PGR: variants seen among roughly 807,000 people sequenced by gnomAD.
The protein encoded by PGR is nuclear receptor subfamily 3 group C member 3.
PGR carries 25 observed loss-of-function variants against 76.1 expected under a neutral mutation model. That is an observed-to-expected ratio of 0.33 (90% CI 0.24 to 0.46). The LOEUF is 0.46. Among genes scored for constraint, PGR ranks in the 20% least tolerant of loss-of-function variants. The pLI is 1.00. For synonymous variants in PGR, 579 were observed against 535.0 expected (o/e 1.08, Z -1.14); for missense variants, 1,172 against 1,225.3 (o/e 0.96, Z 0.65).
chr11:101,064,618 A>G (rs907270111), intron 3 of PGR, among the ~76,000 whole-genome samples: 4 of 152,064 alleles, frequency 2.6e-5, no homozygotes, highest in South Asian at 2.1e-4. Flanking sequence ...TTCCCTGTCC[A>G]TGACTATAAT....
chr11:101,075,435 A>C (rs1312377785), intron 3 of PGR, among the ~76,000 whole-genome samples: 1 of 152,174 alleles, frequency 6.6e-6, no homozygotes, highest in African/African-American at 2.4e-5. Context: ...CTAAAACACC[A>C]AAAGCAATGG....
chr11:101,104,697 T>C (rs1862096219), intron 2 of PGR, among the ~76,000 whole-genome samples: 1 of 152,242 alleles, frequency 6.6e-6, no homozygotes, highest in African/African-American at 2.4e-5. Flanking sequence ...TTTTATTTAA[T>C]CTGGTTGTTT....
chr11:101,096,545 C>A (rs1294755624), intron 2 of PGR, among the ~76,000 whole-genome samples: 1 of 152,136 alleles, frequency 6.6e-6, no homozygotes, highest in Admixed American at 6.5e-5. Flanking sequence ...ACCAAGAATG[C>A]AATGAATGCA....
intron 3 of PGR, among the ~76,000 whole-genome samples, chr11:101,067,689 C>T (rs1436660448): frequency 6.6e-6 from 1 of 151,478 alleles, no homozygotes; most frequent in East Asian, 1.9e-4. Context: ...TAAAGCACAG[C>T]AAATATCAAG....
Position 101,050,065 on chromosome 11 carries a change from A to G in PGR, c.2358-6T>C. Reference sequence around the variant, plus strand: ...ATGATTCTTTCATCCGCTGTCTTGCATCACACACAATACACAAAAGAAAAA... The same window carrying G: ...ATGATTCTTTCATCCGCTGTCTTGCGTCACACACAATACACAAAAGAAAAA... On this transcript the variant is annotated splice_polypyrimidine_tract_variant and splice_region_variant and intron_variant, in intron 5 of 7. Transcript: ENST00000325455. 3.1e-6 allele frequency: 5 copies of G among 1,612,236 alleles called. No homozygotes were observed. Among genetic ancestry groups the G allele is most frequent in the Non-Finnish European group, 2.5e-6 (3 of 1,178,960 alleles).
chr11:101,093,339 A>G, intron 2 of PGR, among the ~76,000 whole-genome samples: 1 of 151,206 alleles, frequency 6.6e-6, no homozygotes, highest in Admixed American at 6.6e-5. Flanking sequence ...CACAAGTTAT[A>G]TATTTAGGCT....
intron 3 of PGR, among the ~76,000 whole-genome samples, chr11:101,087,059 AT>A (rs1324546825): frequency 6.6e-6 from 1 of 152,158 alleles, no homozygotes; most frequent in African/African-American, 2.4e-5. Flanking sequence ...TACCAACGAC[AT>A]TTTTTCCAGA....
At chr11:101,052,852 T>G (rs1860145244) in intron 4 of PGR, among the ~76,000 whole-genome samples, 1 of 152,084 alleles carries the variant, frequency 6.6e-6, no homozygotes, top group South Asian at 2.1e-4. Flanking sequence ...TCTTTCAGTA[T>G]TTGTCTTGAA....
intron 2 of PGR, among the ~76,000 whole-genome samples, chr11:101,103,552 T>G (rs2135474794): frequency 6.6e-6 from 1 of 152,274 alleles, no homozygotes; most frequent in South Asian, 2.1e-4. Flanking sequence ...CGGTAAAGAC[T>G]GGGCATATTC....
chr11:101,070,397 C>A (rs1324071486), intron 3 of PGR, among the ~76,000 whole-genome samples: 1 of 152,134 alleles, frequency 6.6e-6, no homozygotes, highest in African/African-American at 2.4e-5. Flanking sequence ...AACTGGGCAG[C>A]CATTTGGGCA....
At position 101,086,939 on chromosome 11, in the gene PGR, C is replaced by A. The variant is rs7105936; in HGVS notation, c.1906+4821G>T. Among the ~76,000 whole-genome samples the A allele has an allele frequency of 8.0e-3, 1,213 of 152,248 alleles. 17 individuals carry two copies. Among genetic ancestry groups the A allele is most frequent in the African/African-American group, 0.028 (1,157 of 41,550 alleles). On this transcript the variant is annotated intron_variant, in intron 3 of 7. Transcript: ENST00000325455. ...CATTGCTAAAAGAAATCACAGATGA[C>A]ACTAACACATGTAAAAACATTCCAT...
At chr11:101,083,918 G>A (rs193250901) in intron 3 of PGR, among the ~76,000 whole-genome samples, 1 of 152,302 alleles carries the variant, frequency 6.6e-6, no homozygotes, top group Non-Finnish European at 1.5e-5. Context: ...AGGCATGATT[G>A]TGTTTTGAAA....
chr11:101,101,396 A>G (rs10895063), intron 2 of PGR, among the ~76,000 whole-genome samples: 48,020 of 152,084 alleles, frequency 0.32, 7,800 homozygotes, highest in African/African-American at 0.36. Context: ...AATAATAAGT[A>G]TCTGTTAGGC....
intron 3 of PGR, among the ~76,000 whole-genome samples, chr11:101,071,057 A>T (rs1040220556): frequency 3.9e-5 from 6 of 152,140 alleles, no homozygotes; most frequent in African/African-American, 1.4e-4. Flanking sequence ...GTCGACAGAC[A>T]CCTCACACAG....
intron 2 of PGR, among the ~76,000 whole-genome samples, chr11:101,096,579 G>A (rs959808710): frequency 6.6e-6 from 1 of 152,054 alleles, no homozygotes; most frequent in Non-Finnish European, 1.5e-5. Flanking sequence ...GCTACTTCAG[G>A]TACCTGGCTG....
chr11:101,126,276 T>C (rs1862835936), intron 1 of PGR, 118 bp from the exon 2 acceptor site: 4 of 911,354 alleles, frequency 4.4e-6, no homozygotes, highest in Admixed American at 2.0e-5. Flanking sequence ...GAACTGTATA[T>C]ATACACTTGA....
At chr11:101,071,433 C>A (rs1360213588) in intron 3 of PGR, among the ~76,000 whole-genome samples, 3 of 152,030 alleles carry the variant, frequency 2.0e-5, no homozygotes, top group Non-Finnish European at 4.4e-5. Context: ...CAAAAGATCA[C>A]AACTCCTCAC....
rs1859497031 is a variant in PGR, at chr11:101,035,953, G to A, written c.*3163C>T. The stretch of plus-strand genomic sequence containing the variant: ...ATAGTAGCAATTACTATTTCTGAAG[G>A]CCTGTATACGTTTTTTTTGGTTTCC... On this transcript the variant is annotated 3_prime_UTR_variant, in exon 8 of 8. Transcript: ENST00000325455. 8.8e-6 allele frequency: 2 copies of A among 227,906 alleles called. No homozygotes were observed. The highest frequency in any genetic ancestry group is 5.7e-5 in the Admixed American group (1 of 17,584). The allele number at this position is 227,906 out of a possible 1,614,324, so 14.1% of individuals were successfully genotyped here.
chr11:101,127,528 G>T lies in PGR; in HGVS notation c.1543C>A (p.Leu515Ile), dbSNP rs766624974. Residue 515 changes from leucine to isoleucine, a missense_variant, in exon 1 of 8, where the codon CTC (leucine) becomes ATC (isoleucine). Leu to Ile is a conservative substitution (Grantham distance 5, BLOSUM62 2). This residue lies in a region of PGR where 893 missense variants were observed against 785.9 expected (regional missense o/e 1.14). Coordinates refer to ENST00000325455, the MANE Select transcript of PGR (RefSeq NM_000926.4). ...AGAAPALYPA[L>I]GLNGLPQLGY... Reference sequence around the variant, plus strand: ...AGCTGCGGGAGCCCGTTGAGGCCGAGTGCAGGGTAGAGCGCGGGGGCCGCC... The same window carrying T: ...AGCTGCGGGAGCCCGTTGAGGCCGATTGCAGGGTAGAGCGCGGGGGCCGCC... The T allele has an allele frequency of 1.3e-6, 2 of 1,500,938 alleles. No individual in the cohort carries two copies. The highest frequency in any genetic ancestry group is 2.9e-5 in the African/African-American group (2 of 69,144). The allele number at this position is 1,500,938 out of a possible 1,614,324, so 93.0% of individuals were successfully genotyped here. A position where few individuals can be genotyped will look rare whatever the true frequency, so the allele number is the denominator to read the frequency against.
Sources: gnomAD v4.1 joint callset for allele counts (sites outside exome capture counted in the v4.1 genomes callset) on GRCh38, gnomAD v4.1.1 for gene constraint, gnomAD v4.1.1 regional missense constraint, MANE v1.5 for transcripts, NCBI Gene and HGNC (gene_info 2026-07-23, HGNC 2026-07-21) for gene names.